ARPP21: variants seen among roughly 807,000 people sequenced by gnomAD.
The protein encoded by ARPP21 is cAMP regulated phosphoprotein 21.
A neutral mutation model predicts 113.2 loss-of-function variants in ARPP21; 69 were observed. The observed-to-expected ratio is 0.61, with a 90% CI of 0.50 to 0.74. The LOEUF is 0.74. Among genes scored for constraint, ARPP21 ranks in the 30% least tolerant of loss-of-function variants. ARPP21 has a pLI of 0.00. For missense variants in ARPP21, 1,070 were observed against 1,037.4 expected (o/e 1.03, Z -0.43); for synonymous variants, 368 against 375.5 (o/e 0.98, Z 0.23).
chr3:35,677,385 C>T (rs982607583), intron 1 of ARPP21, among the ~76,000 whole-genome samples: 2 of 151,800 alleles, frequency 1.3e-5, no homozygotes, highest in Non-Finnish European at 2.9e-5. Flanking sequence ...TTTGTTCTCC[C>T]TACCTTTCTT....
At chr3:35,793,034 C>T (rs1029966361) in intron 20 of ARPP21, among the ~76,000 whole-genome samples, 2 of 152,124 alleles carry the variant, frequency 1.3e-5, no homozygotes, top group Non-Finnish European at 2.9e-5. Flanking sequence ...GTTATGTATC[C>T]TTTTGTGATG....
At position 35,737,378 on chromosome 3, in the gene ARPP21, G is replaced by A. The variant is rs775560757; in HGVS notation, c.1644+16G>A. 3.2e-6 allele frequency: 5 copies of A among 1,578,260 alleles called. No individual in the cohort carries two copies. In the African/African-American group the frequency reaches 6.7e-5, roughly 21 times the overall value. On this transcript the variant is annotated intron_variant, in intron 16 of 20. Coordinates refer to ENST00000684406, the MANE Select transcript of ARPP21 (RefSeq NM_001385562.1). ...GGTCACTCAGGTAGGGGGCTGGTTG[G>A]AAGGCAGGGAAGGGAAGTACCCTGA...
intron 19 of ARPP21, chr3:35,744,475 C>A (rs1443138101): frequency 1.9e-6 from 1 of 530,036 alleles, no homozygotes; most frequent in African/African-American, 1.9e-5. Context: ...CCGGCAGCCA[C>A]TGTGCAGTGG....
In ARPP21 at chr3:35,721,816, G is replaced by C. The variant is rs1288995530; in HGVS notation, c.1207G>C (p.Gly403Arg). ...CAGCACTTCCAGTACTAGGAGTACC[G>C]GGAAGCTGTCCAAAGCAGGTAGTTA... Reference protein sequence around the residue: ...GDSTSSTRSTGKLSKAGSESS... With the variant: ...GDSTSSTRSTRKLSKAGSESS... Residue 403 changes from glycine (G) to arginine (R), a missense_variant, in exon 14 of 21, where the codon GGG (glycine) becomes CGG (arginine). Coordinates refer to ENST00000684406, the MANE Select transcript of ARPP21 (RefSeq NM_001385562.1). 2 of 1,607,694 alleles carry C rather than the reference G, an allele frequency of 1.2e-6. No homozygotes were observed. Among genetic ancestry groups the C allele is most frequent in the Non-Finnish European group, 1.7e-6 (2 of 1,176,582 alleles).
chr3:35,664,739 G>A (rs1207062639), intron 1 of ARPP21, among the ~76,000 whole-genome samples: 1 of 152,128 alleles, frequency 6.6e-6, no homozygotes, highest in Non-Finnish European at 1.5e-5. Flanking sequence ...CTGTTTCCTT[G>A]GTCATGCGCC....
At chr3:35,748,067 G>GAAGAAAGA (rs71622571) in intron 19 of ARPP21, among the ~76,000 whole-genome samples, 6,386 of 86,634 alleles carry the variant, frequency 0.074, 438 homozygotes, top group East Asian at 0.14. Flanking sequence ...AAGAAGGAAG[G>GAAGAAAGA]AAGAAAGAAA....
intron 1 of ARPP21, among the ~76,000 whole-genome samples, chr3:35,648,780 A>T (rs942611165): frequency 6.6e-6 from 1 of 152,186 alleles, no homozygotes; most frequent in African/African-American, 2.4e-5. Context: ...TCCATCAGAT[A>T]ATTGCATTTT....
chr3:35,779,179 C>A (rs1010071669), intron 19 of ARPP21, among the ~76,000 whole-genome samples: 4 of 152,096 alleles, frequency 2.6e-5, no homozygotes, highest in African/African-American at 9.7e-5. Flanking sequence ...GTCCACTTCA[C>A]ATATAAAAGA....
At chr3:35,665,350 G>A (rs1372358428) in intron 1 of ARPP21, among the ~76,000 whole-genome samples, 1 of 151,658 alleles carries the variant, frequency 6.6e-6, no homozygotes, top group Non-Finnish European at 1.5e-5. Context: ...ATGATAACAA[G>A]ATCATAAAAC....
At chr3:35,764,514 T>C (rs1326518718) in intron 19 of ARPP21, among the ~76,000 whole-genome samples, 1 of 152,164 alleles carries the variant, frequency 6.6e-6, no homozygotes, top group African/African-American at 2.4e-5. Flanking sequence ...TGGATTCTTA[T>C]GTGCTTTCCT....
intron 18 of ARPP21, among the ~76,000 whole-genome samples, chr3:35,740,177 A>G (rs1002283665): frequency 3.9e-5 from 6 of 152,268 alleles, no homozygotes; most frequent in African/African-American, 1.2e-4. Flanking sequence ...GACACCACAG[A>G]TCACTGATTT....
chr3:35,711,645 C>A (rs1406703224), intron 11 of ARPP21, among the ~76,000 whole-genome samples: 1 of 152,128 alleles, frequency 6.6e-6, no homozygotes, highest in African/African-American at 2.4e-5. Flanking sequence ...GTTAAGCTGT[C>A]AACTGGGGCT....
intron 19 of ARPP21, among the ~76,000 whole-genome samples, chr3:35,755,278 A>C (rs1308040558): frequency 1.3e-5 from 2 of 151,850 alleles, no homozygotes; most frequent in African/African-American, 4.8e-5. Flanking sequence ...GCACATTTAA[A>C]ACAAACAAAC....
chr3:35,657,150 G>A (rs953834595), intron 1 of ARPP21, among the ~76,000 whole-genome samples: 3 of 151,992 alleles, frequency 2.0e-5, no homozygotes, highest in African/African-American at 7.2e-5. Flanking sequence ...CTTTAAAAAT[G>A]ATTTTCATGG....
At chr3:35,685,213 A>G (rs1176283875) in intron 5 of ARPP21, 136 of 985,226 alleles carry the variant, frequency 1.4e-4, no homozygotes, top group Non-Finnish European at 1.6e-4. Flanking sequence ...GATCAACTGT[A>G]TCACAGTGCC....
At chr3:35,737,556 C>T (rs1373041177) in intron 16 of ARPP21, among the ~76,000 whole-genome samples, 194 bp downstream of exon 16, 2 of 152,154 alleles carry the variant, frequency 1.3e-5, no homozygotes, top group African/African-American at 4.8e-5. Context: ...AGGTGAGTGC[C>T]CCATGCAGTA....
At chr3:35,763,033 A>C (rs577990109) in intron 19 of ARPP21, among the ~76,000 whole-genome samples, 39 of 152,250 alleles carry the variant, frequency 2.6e-4, no homozygotes, top group Non-Finnish European at 5.6e-4. Context: ...TGGAGAATTG[A>C]GTCAGAGGCT....
At chr3:35,704,416 C>T (rs1240531933) in intron 9 of ARPP21, among the ~76,000 whole-genome samples, 1 of 151,722 alleles carries the variant, frequency 6.6e-6, no homozygotes, top group Non-Finnish European at 1.5e-5. Context: ...TTAAATAGCT[C>T]TTTTAAAGAT....
At chr3:35,711,353 A>G (rs554268662) in intron 11 of ARPP21, among the ~76,000 whole-genome samples, 3 of 152,310 alleles carry the variant, frequency 2.0e-5, no homozygotes, top group African/African-American at 7.2e-5. Context: ...CCTATTGTAT[A>G]TCATATTCTT....
Sources: gnomAD v4.1 joint callset for allele counts (sites outside exome capture counted in the v4.1 genomes callset) on GRCh38, gnomAD v4.1.1 for gene constraint, MANE v1.5 for transcripts, NCBI Gene and HGNC (gene_info 2026-07-23, HGNC 2026-07-21) for gene names.